The following MYO7B variants were observed in gnomAD, a reference collection of about 807,000 sequenced individuals.
The protein encoded by MYO7B is unconventional myosin-VIIb.
Under a neutral mutation model 259.7 loss-of-function variants are expected in MYO7B, and 212 were observed. The ratio of observed to expected loss-of-function variants is 0.82; its 90% CI spans 0.73 to 0.91. MYO7B has a LOEUF of 0.91. Among genes scored for constraint, MYO7B ranks in the 40% least tolerant of loss-of-function variants. MYO7B has a pLI of 0.00. For synonymous variants in MYO7B, 1,197 were observed against 1,166.4 expected (o/e 1.03, Z -0.54); for missense variants, 2,732 against 2,813.5 (o/e 0.97, Z 0.66).
chr2:127,569,676 C>A (rs972727865), intron 5 of MYO7B, 113 bp from the exon 6 acceptor site: 2 of 1,353,556 alleles, frequency 1.5e-6, no homozygotes, highest in Admixed American at 2.5e-5. Context: ...AGGGGAGAGG[C>A]CATCCCTGTC....
intron 24 of MYO7B, among the ~76,000 whole-genome samples, chr2:127,610,787 A>G (rs1311791521): frequency 6.6e-6 from 1 of 152,238 alleles, no homozygotes; most frequent in Admixed American, 6.5e-5. Flanking sequence ...ATAGGAATCT[A>G]AAGGAGCCTG....
intron 1 of MYO7B, among the ~76,000 whole-genome samples, chr2:127,558,985 G>T (rs1215015933): frequency 6.6e-6 from 1 of 152,194 alleles, no homozygotes; most frequent in Non-Finnish European, 1.5e-5. Context: ...ACAAGTCACG[G>T]CTAAAGAGCT....
At chr2:127,583,521 G>C (rs181045539) in intron 12 of MYO7B, among the ~76,000 whole-genome samples, 1 of 152,326 alleles carries the variant, frequency 6.6e-6, no homozygotes, top group East Asian at 1.9e-4. Flanking sequence ...AGACAGCATG[G>C]GCCAGACTTT....
At position 127,576,455 on chromosome 2, in the gene MYO7B, C is replaced by T. The variant is rs1467926267; in HGVS notation, c.736-140C>T. On this transcript the variant is annotated intron_variant, in intron 7 of 47. Coordinates refer to ENST00000409816, the MANE Select transcript of MYO7B (RefSeq NM_001393586.1). The surrounding 1 kb of genome is among the most constrained non-coding windows in gnomAD (Gnocchi z 4.9). Reference sequence around the variant, plus strand: ...GGACAGCAACCAAGCCAGGCTGGCCCTGGGTCAGTGCCAGAGCTGCTCCTG... The same window carrying T: ...GGACAGCAACCAAGCCAGGCTGGCCTTGGGTCAGTGCCAGAGCTGCTCCTG... The T allele has an allele frequency of 1.5e-5, 8 of 533,944 alleles. No homozygotes were observed. The highest frequency in any genetic ancestry group is 6.6e-5 in the East Asian group (2 of 30,124). The allele number at this position is 533,944 out of a possible 1,614,324, so 33.1% of individuals were successfully genotyped here. A position where few individuals can be genotyped will look rare whatever the true frequency, so the allele number is the denominator to read the frequency against.
Position 127,592,808 on chromosome 2 carries a change from G to A in MYO7B, c.2007G>A (p.Glu669=), listed in dbSNP as rs766712368. 6.2e-7 allele frequency: 1 copy of A among 1,610,494 alleles called. No individual in the cohort carries two copies. Among genetic ancestry groups the A allele is most frequent in the South Asian group, 1.1e-5 (1 of 90,400 alleles). ...TCCGCCCACAGCTGTTCGACCGGGA[G>A]CTGTGCCTGCGGCAGCTGCGATACT... ...EYKKPLLFDR[E]LCLRQLRYSG... The change falls in exon 17 of 48, where the codon GAG becomes GAA. Residue 669 remains glutamate (E), a synonymous_variant. Coordinates refer to ENST00000409816, the MANE Select transcript of MYO7B (RefSeq NM_001393586.1).
At position 127,628,932 on chromosome 2, in the gene MYO7B, A is replaced by G. The variant is rs1014226647; in HGVS notation, c.4624+397A>G. On this transcript the variant is annotated intron_variant, in intron 34 of 47. Coordinates refer to ENST00000409816, the MANE Select transcript of MYO7B (RefSeq NM_001393586.1). This position sits in a 1 kb window ranked among gnomAD's most constrained non-coding sequence, Gnocchi z 4.8. ...AGAGGCCCAGAGATGGAAGTAGCTCACCCAGGGTCACACAGCTCAAGGGGG... is the reference window on the plus strand; with the variant it reads ...AGAGGCCCAGAGATGGAAGTAGCTCGCCCAGGGTCACACAGCTCAAGGGGG... 6.6e-6 allele frequency among the ~76,000 whole-genome samples: 1 copy of G among 152,190 alleles called. No individual in the cohort carries two copies. The highest frequency in any genetic ancestry group is 2.4e-5 in the African/African-American group (1 of 41,452).
chr2:127,586,354 C>A lies in MYO7B; in HGVS notation c.1690+1441C>A, dbSNP rs1345044381. Reference sequence around the variant, plus strand: ...GGCTGCTGTGGTCAGGAAAGCAGGGCGGCCAGAGGGTCACTCTCTGCCCCT... The same window carrying A: ...GGCTGCTGTGGTCAGGAAAGCAGGGAGGCCAGAGGGTCACTCTCTGCCCCT... On this transcript the variant is annotated intron_variant, in intron 14 of 47. Coordinates refer to ENST00000409816, the MANE Select transcript of MYO7B (RefSeq NM_001393586.1). This position sits in a 1 kb window ranked among gnomAD's most constrained non-coding sequence, Gnocchi z 4.8. Among the ~76,000 whole-genome samples, 2 of 152,102 alleles carry A rather than the reference C, an allele frequency of 1.3e-5. No individual in the cohort carries two copies. The highest frequency in any genetic ancestry group is 4.8e-5 in the African/African-American group (2 of 41,396).
intron 7 of MYO7B, among the ~76,000 whole-genome samples, chr2:127,575,672 A>C (rs1049457663): frequency 6.6e-6 from 1 of 152,006 alleles, no homozygotes; most frequent in Non-Finnish European, 1.5e-5. Context: ...GGAGGAGGGG[A>C]TTTAAGAAAG....
intron 1 of MYO7B, among the ~76,000 whole-genome samples, chr2:127,556,325 G>T (rs553004543): frequency 4.7e-4 from 72 of 152,276 alleles, no homozygotes; most frequent in Middle Eastern, 3.4e-3. Context: ...CAGATGCTTG[G>T]TTGGTGAATT....
Position 127,635,238 on chromosome 2 carries a change from G to T in MYO7B, c.5820+12G>T. 1 of 1,607,124 alleles carries T rather than the reference G, an allele frequency of 6.2e-7. No individual in the cohort carries two copies. The highest frequency in any genetic ancestry group is 1.1e-5 in the South Asian group (1 of 90,276). ...TCCATTACCACCAGGTACCGGGCAGGCTGCCCTGGTGGGCACTGGGGCCAC... is the reference window on the plus strand; with the variant it reads ...TCCATTACCACCAGGTACCGGGCAGTCTGCCCTGGTGGGCACTGGGGCCAC... On this transcript the variant is annotated intron_variant, in intron 43 of 47. Transcript: ENST00000409816.
At chr2:127,569,074 G>A (rs1678476925) in intron 5 of MYO7B, among the ~76,000 whole-genome samples, 1 of 151,924 alleles carries the variant, frequency 6.6e-6, no homozygotes, top group Admixed American at 6.6e-5. Flanking sequence ...TGGGTGTGGT[G>A]GCAGCCACCA....
In MYO7B at chr2:127,636,011, T is replaced by G. The variant is rs1199885536; in HGVS notation, c.6006+104T>G. ...GGCTCCAAGATCACATGGGTGCACA[T>G]GGGTGGTGTGGAGGGTGGGCTGGCT... On this transcript the variant is annotated intron_variant, in intron 44 of 47. Coordinates refer to ENST00000409816, the MANE Select transcript of MYO7B (RefSeq NM_001393586.1). This position sits in a 1 kb window ranked among gnomAD's most constrained non-coding sequence, Gnocchi z 4.5. The G allele has an allele frequency of 1.6e-5, 22 of 1,392,148 alleles. No individual in the cohort carries two copies. Among genetic ancestry groups the G allele is most frequent in the Non-Finnish European group, 2.1e-5 (22 of 1,027,920 alleles). 86.2% of individuals were successfully genotyped at this position (1,392,148 alleles called of 1,614,324 possible). A position where few individuals can be genotyped will look rare whatever the true frequency, so the allele number is the denominator to read the frequency against.
rs1680424743 is a variant in MYO7B at position 127,612,520 on chromosome 2, T to A, written c.3315T>A (p.Asp1105Glu). Residue 1105 changes from aspartate (D) to glutamate (E), a missense_variant, in exon 26 of 48, where the codon GAT (aspartate) becomes GAA (glutamate). Transcript: ENST00000409816. ...TTGGAGAGGAGGCATTGGAGCCTGA[T>A]GGCCTTGGTGCAGACCGGCCCATGT... Reference protein sequence around the residue: ...LNIGEEALEPDGLGADRPMSN... With the variant: ...LNIGEEALEPEGLGADRPMSN... 6.4e-7 allele frequency: 1 copy of A among 1,573,688 alleles called. No individual in the cohort carries two copies. The highest frequency in any genetic ancestry group is 8.6e-7 in the Non-Finnish European group (1 of 1,159,610).
rs1267251583 is a variant in MYO7B at position 127,539,457 on chromosome 2, G to T, written c.-24+3626G>T. ...TTCCAAGGGGAAGACCAGCTTTCCT[G>T]TTGCAATGTCATGAAGGGGATAAAA... On this transcript the variant is annotated intron_variant, in intron 1 of 47. Transcript: ENST00000409816. The surrounding 1 kb of genome is among the most constrained non-coding windows in gnomAD (Gnocchi z 4.0). Among the ~76,000 whole-genome samples the T allele has an allele frequency of 1.3e-5, 2 of 152,216 alleles. No homozygotes were observed. The highest frequency in any genetic ancestry group is 2.4e-5 in the African/African-American group (1 of 41,456).
At chr2:127,573,482 G>A (rs1293132106) in intron 6 of MYO7B, among the ~76,000 whole-genome samples, 1 of 152,174 alleles carries the variant, frequency 6.6e-6, no homozygotes, top group Admixed American at 6.5e-5. Context: ...CTCCGTATCA[G>A]CCTCAGCCCT....
intron 38 of MYO7B, 52 bp from the exon 39 acceptor site, chr2:127,632,194 T>A: frequency 6.4e-7 from 1 of 1,570,410 alleles, no homozygotes; most frequent in South Asian, 1.2e-5. Flanking sequence ...GGTGCCTGCC[T>A]GGCCAGGGCC....
intron 7 of MYO7B, among the ~76,000 whole-genome samples, chr2:127,574,733 T>C (rs2104909434): frequency 6.6e-6 from 1 of 152,232 alleles, no homozygotes; most frequent in East Asian, 1.9e-4. Context: ...GGCCAGGAAG[T>C]ACAGTGGCAT....
chr2:127,592,758 G>C, intron 16 of MYO7B, 36 bp from the exon 17 acceptor site: 2 of 1,590,070 alleles, frequency 1.3e-6, no homozygotes, highest in Non-Finnish European at 1.7e-6. Context: ...GGAAAGTGGG[G>C]CTTGCGCTGG....
chr2:127,623,782 T>G (rs1002800656), intron 29 of MYO7B, among the ~76,000 whole-genome samples: 1 of 151,880 alleles, frequency 6.6e-6, no homozygotes, highest in African/African-American at 2.4e-5. Flanking sequence ...CACCCCCAAT[T>G]CCACGCCCAC....
Sources: allele counts gnomAD v4.1 joint callset (sites outside exome capture counted in the v4.1 genomes callset), GRCh38; gene constraint gnomAD v4.1.1; non-coding constraint Gnocchi (gnomAD v3.1); transcripts MANE v1.5; gene names NCBI Gene and HGNC (gene_info 2026-07-23, HGNC 2026-07-21).